The following RELL1 variants were observed in gnomAD, a reference collection of about 807,000 sequenced individuals.
RELL1 encodes RELT-like protein 1.
Under a neutral mutation model 23.0 loss-of-function variants are expected in RELL1, and 10 were observed. That is an observed-to-expected ratio of 0.43 (90% CI 0.27 to 0.74). RELL1 has a LOEUF of 0.74. Ranked by LOEUF, RELL1 falls within the 30% of genes least tolerant of loss-of-function variation. The probability of loss-of-function intolerance (pLI) is 0.19; values close to 1 mark genes in which losing one functional copy is unlikely to be tolerated. For missense variants in RELL1, 315 were observed against 364.4 expected, an observed-to-expected ratio of 0.86 and a Z score of 1.10; for synonymous variants, 146 against 146.8, an observed-to-expected ratio of 0.99 and a Z score of 0.04.
downstream of RELL1, among the ~76,000 whole-genome samples, chr4:37,587,490 A>G (rs373904521): frequency 2.0e-5 from 3 of 152,178 alleles, no homozygotes; most frequent in East Asian, 1.9e-4. Flanking sequence ...AGCACCAGTC[A>G]TATTCACTGT....
intron 6 of RELL1, among the ~76,000 whole-genome samples, chr4:37,615,937 A>G (rs1277563632): frequency 1.3e-5 from 2 of 152,176 alleles, no homozygotes; most frequent in African/African-American, 4.8e-5. Context: ...TGATTAGGAT[A>G]TACATACAAA....
intron 6 of RELL1, among the ~76,000 whole-genome samples, chr4:37,599,559 CTATCTATAGGAA>C (rs1160882757): frequency 6.6e-6 from 1 of 152,094 alleles, no homozygotes; most frequent in Non-Finnish European, 1.5e-5. Flanking sequence ...GTCAGAAATC[CTATCTATAGGAA>C]CAATGGGGAT....
chr4:37,633,126 T>A (rs1384563682), intron 5 of RELL1, among the ~76,000 whole-genome samples: 1 of 152,134 alleles, frequency 6.6e-6, no homozygotes, highest in African/African-American at 2.4e-5. Context: ...AAGCCATGTT[T>A]GGCCAGGCAC....
At chr4:37,667,043 G>A (rs1028707571) in intron 1 of RELL1, among the ~76,000 whole-genome samples, 3 of 152,062 alleles carry the variant, frequency 2.0e-5, no homozygotes, top group Non-Finnish European at 2.9e-5. Flanking sequence ...AGTAAAGGAG[G>A]GAGTAGGAAA....
At chr4:37,680,850 T>G (rs906421360) in intron 1 of RELL1, among the ~76,000 whole-genome samples, 2 of 146,156 alleles carry the variant, frequency 1.4e-5, no homozygotes, top group Non-Finnish European at 3.0e-5. Flanking sequence ...GAGAATGGCA[T>G]GAACCCTGGA....
chr4:37,592,994 T>A (rs1204288338), intron 6 of RELL1, among the ~76,000 whole-genome samples: 1 of 152,234 alleles, frequency 6.6e-6, no homozygotes, highest in African/African-American at 2.4e-5. Context: ...GACGGCACCC[T>A]TACAAATGCT....
intron 6 of RELL1, among the ~76,000 whole-genome samples, chr4:37,604,956 GAC>G (rs1226685197): frequency 8.9e-6 from 1 of 112,880 alleles, no homozygotes; most frequent in Non-Finnish European, 1.9e-5. Context: ...CACACACAGA[GAC>G]ACACACATAC....
At chr4:37,594,653 A>G (rs1005222617) in intron 6 of RELL1, among the ~76,000 whole-genome samples, 3 of 152,152 alleles carry the variant, frequency 2.0e-5, no homozygotes, top group African/African-American at 7.2e-5. Context: ...AACTGGAAAA[A>G]CCAGATACCC....
intron 1 of RELL1, among the ~76,000 whole-genome samples, chr4:37,653,367 A>AGT: frequency 2.1e-5 from 1 of 47,608 alleles, no homozygotes; most frequent in Middle Eastern, 8.2e-3. Flanking sequence ...TTGAAACCTC[A>AGT]ATATTCAATA....
intron 6 of RELL1, among the ~76,000 whole-genome samples, chr4:37,593,408 G>A (rs190795085): frequency 6.6e-6 from 1 of 152,082 alleles, no homozygotes; most frequent in Non-Finnish European, 1.5e-5. Flanking sequence ...AATCATTTTG[G>A]TTTCCTTCTC....
At chr4:37,664,952 C>A (rs1004850215) in intron 1 of RELL1, among the ~76,000 whole-genome samples, 1 of 152,164 alleles carries the variant, frequency 6.6e-6, no homozygotes, top group African/African-American at 2.4e-5. Context: ...AAAACCCTGA[C>A]TGAAGTCAAA....
At chr4:37,617,439 C>T (rs1229638041) in intron 6 of RELL1, among the ~76,000 whole-genome samples, 1 of 152,028 alleles carries the variant, frequency 6.6e-6, no homozygotes, top group South Asian at 2.1e-4. Context: ...GAAATGGGGG[C>T]GAAAACAAGT....
At chr4:37,627,958 C>T (rs1201311151) in intron 6 of RELL1, among the ~76,000 whole-genome samples, 1 of 151,874 alleles carries the variant, frequency 6.6e-6, no homozygotes, top group Non-Finnish European at 1.5e-5. Context: ...AGAGTCTGGC[C>T]CAGAAGTAAA....
chr4:37,620,534 A>G (rs1719729725), intron 6 of RELL1, among the ~76,000 whole-genome samples: 1 of 152,228 alleles, frequency 6.6e-6, no homozygotes, highest in Admixed American at 6.5e-5. Flanking sequence ...GCAGTTCCCT[A>G]CTAGTCTCAA....
chr4:37,684,951 T>C (rs963268425), intron 1 of RELL1, among the ~76,000 whole-genome samples: 1 of 151,680 alleles, frequency 6.6e-6, no homozygotes, highest in Non-Finnish European at 1.5e-5. Context: ...AGCCCCTGTA[T>C]CAAAATAAGG....
At chr4:37,663,595 C>T (rs978929157) in intron 1 of RELL1, among the ~76,000 whole-genome samples, 2 of 152,136 alleles carry the variant, frequency 1.3e-5, no homozygotes, top group Admixed American at 6.5e-5. Flanking sequence ...ATTCTTCCCT[C>T]GCAGCATCTG....
chr4:37,644,436 ATT>A (rs748545603), intron 3 of RELL1, among the ~76,000 whole-genome samples: 1 of 97,672 alleles, frequency 1.0e-5, no homozygotes, highest in East Asian at 2.9e-4. Context: ...TTTTATTTTT[ATT>A]TTTATTTATT....
chr4:37,681,816 T>C (rs946383376), intron 1 of RELL1, among the ~76,000 whole-genome samples: 3 of 152,186 alleles, frequency 2.0e-5, no homozygotes, highest in Admixed American at 6.5e-5. Flanking sequence ...CGTGAGCCAC[T>C]GCACCCGGCT....
chr4:37,677,072 TC>T (rs1453264168), intron 1 of RELL1, among the ~76,000 whole-genome samples: 1 of 152,174 alleles, frequency 6.6e-6, no homozygotes, highest in African/African-American at 2.4e-5. Flanking sequence ...ACCATCAAAG[TC>T]CCTTCTGAAT....
Sources: allele counts gnomAD v4.1 joint callset (sites outside exome capture counted in the v4.1 genomes callset), GRCh38; gene constraint gnomAD v4.1.1; transcripts MANE v1.5; gene names NCBI Gene and HGNC (gene_info 2026-07-23, HGNC 2026-07-21).